The following POU5F1 variants were observed in gnomAD, a reference collection of about 807,000 sequenced individuals.
The protein encoded by POU5F1 is POU class 5 homeobox 1, also known as POU domain, class 5, transcription factor 1.
A neutral mutation model predicts 38.3 loss-of-function variants in POU5F1; 6 were observed. The ratio of observed to expected loss-of-function variants is 0.16; its 90% CI spans 0.09 to 0.31. The LOEUF (loss-of-function observed/expected upper bound fraction) is 0.31. Among genes scored for constraint, POU5F1 ranks in the 10% least tolerant of loss-of-function variants. The pLI is 1.00. For synonymous variants in POU5F1, 147 were observed against 194.9 expected (o/e 0.75, Z 2.05); for missense variants, 286 against 462.6 (o/e 0.62, Z 3.50).
chr6:31,167,536 T>C (rs374544416), intron 1 of POU5F1, among the ~76,000 whole-genome samples: 1 of 152,094 alleles, frequency 6.6e-6, no homozygotes, highest in African/African-American at 2.4e-5. Context: ...AGTGAGACTC[T>C]GTCTCTACTA....
intron 1 of POU5F1, 133 bp downstream of exon 1, chr6:31,170,083 T>G: frequency 6.9e-7 from 1 of 1,458,554 alleles, no homozygotes; most frequent in South Asian, 1.2e-5. Context: ...CACCCCTCCC[T>G]GGCCAGGGCA....
At chr6:31,166,978 C>T (rs1777316548) in intron 1 of POU5F1, 1 of 939,702 alleles carries the variant, frequency 1.1e-6, no homozygotes, top group Non-Finnish European at 1.5e-6. Flanking sequence ...CTCATCTTTA[C>T]TGTATCTTTT....
At position 31,170,065 on chromosome 6, in the gene POU5F1, T is replaced by A. The variant is rs2151114122; in HGVS notation, c.405+151A>T. 1.7e-5 allele frequency: 22 copies of A among 1,290,192 alleles called. No individual in the cohort carries two copies. In the South Asian group the frequency reaches 2.2e-4, roughly 13 times the overall value. 79.9% of individuals were successfully genotyped at this position (1,290,192 alleles called of 1,614,324 possible). ...CCCTGCCTGCCAGGGCTGCCAGCAG[T>A]TGATACACACCCCTCCCTGGCCAGG... On this transcript the variant is annotated intron_variant, in intron 1 of 4. Coordinates refer to ENST00000259915, the MANE Select transcript of POU5F1 (RefSeq NM_002701.6).
Position 31,166,805 on chromosome 6 carries a change from C to T in POU5F1, c.406-758G>A, listed in dbSNP as rs1282835556. 3.4e-6 allele frequency: 4 copies of T among 1,184,486 alleles called. No homozygotes were observed. The East Asian group carries it at 1.7e-4, about 50-fold the overall frequency. 73.4% of individuals were successfully genotyped at this position (1,184,486 alleles called of 1,614,324 possible). Reference sequence around the variant, plus strand: ...TAATTAAAAAGGAAGAGCATCATGTCTCAGAAGCTAAATTCAGTATATACT... The same window carrying T: ...TAATTAAAAAGGAAGAGCATCATGTTTCAGAAGCTAAATTCAGTATATACT... On this transcript the variant is annotated intron_variant, in intron 1 of 4. Transcript: ENST00000259915.
At position 31,170,601 on chromosome 6, in the gene POU5F1, G is replaced by A. The variant is rs1281520275; in HGVS notation, c.20C>T (p.Ser7Leu). Reference sequence around the variant, plus strand: ...TGGAGGGGGCGAGAAGGCGAAATCCGAAGCCAGGTGTCCCGCCATGGGGAA... The same window carrying A: ...TGGAGGGGGCGAGAAGGCGAAATCCAAAGCCAGGTGTCCCGCCATGGGGAA... MAGHLASDFAFSPPPGG... is the reference protein window; with the variant it reads MAGHLALDFAFSPPPGG... The change falls in exon 1 of 5, where the codon TCG (serine) becomes TTG (leucine). Residue 7 changes from serine to leucine, a missense_variant. Ser to Leu is a moderately radical substitution (Grantham distance 145). This residue lies in a region of POU5F1 where 176 missense variants were observed against 184.8 expected (regional missense o/e 0.95). Coordinates refer to ENST00000259915, the MANE Select transcript of POU5F1 (RefSeq NM_002701.6). The A allele has an allele frequency of 2.0e-5, 31 of 1,556,584 alleles. No homozygotes were observed. Among genetic ancestry groups the A allele is most frequent in the Non-Finnish European group, 2.2e-5 (25 of 1,151,164 alleles).
At chr6:31,166,936 G>T in intron 1 of POU5F1, 2 of 1,141,718 alleles carry the variant, frequency 1.8e-6, no homozygotes, top group Non-Finnish European at 2.3e-6. Context: ...AGTGCTTTGT[G>T]TGTACTTACT....
intron 1 of POU5F1, among the ~76,000 whole-genome samples, chr6:31,169,146 G>A (rs1157627861): frequency 6.6e-6 from 1 of 152,126 alleles, no homozygotes; most frequent in Non-Finnish European, 1.5e-5. Flanking sequence ...CGTTAAATAG[G>A]ATAATAATAC....
Position 31,165,063 on chromosome 6 carries a change from A to G in POU5F1, c.816+65T>C. On this transcript the variant is annotated intron_variant, in intron 4 of 4. Transcript: ENST00000259915. This position sits in a 1 kb window ranked among gnomAD's most constrained non-coding sequence, Gnocchi z 6.5. ...GCCCTAGAGCAGTTGGAGGAGCCAG[A>G]GCTAGGGAAAGCGAGGTGGTGACAG... 1.3e-6 allele frequency: 2 copies of G among 1,573,790 alleles called. No homozygotes were observed. Among genetic ancestry groups the G allele is most frequent in the Non-Finnish European group, 8.6e-7 (1 of 1,160,336 alleles).
chr6:31,166,944 A>ACTC (rs9281235), intron 1 of POU5F1: 820,459 of 1,108,648 alleles, frequency 0.74, 308,782 homozygotes, highest in African/African-American at 0.85. Flanking sequence ...GTGTGTACTT[A>ACTC]CTCATTTTTT....
At chr6:31,169,737 T>G (rs1457581951) in intron 1 of POU5F1, among the ~76,000 whole-genome samples, 2 of 152,136 alleles carry the variant, frequency 1.3e-5, no homozygotes, top group Non-Finnish European at 2.9e-5. Context: ...AATCCTGGAA[T>G]GAGCACTGTT....
intron 1 of POU5F1, among the ~76,000 whole-genome samples, chr6:31,168,828 G>A (rs1174736897): frequency 1.3e-5 from 2 of 152,174 alleles, no homozygotes. Context: ...GAGGAAGGAA[G>A]GGTAGATAGA....
Position 31,170,425 on chromosome 6 carries a change from G to T in POU5F1, c.196C>A (p.Pro66Thr). Residue 66 changes from proline (P) to threonine (T), a missense_variant, in exon 1 of 5, where the codon CCG becomes ACG. Around this residue, in one of 2 missense-constraint regions of POU5F1, gnomAD observed 176 missense variants for 184.8 expected, o/e 0.95. Transcript: ENST00000259915. ...EVWGIPPCPP[P>T]YEFCGGMAYC... is the part of the protein sequence containing the mutation. The stretch of plus-strand genomic sequence containing the variant: ...GCCATCCCCCCACAGAACTCATACG[G>T]CGGGGGGCATGGGGGAATCCCCCAC... 1 of 1,612,020 alleles carries T rather than the reference G, an allele frequency of 6.2e-7. No homozygotes were observed. The highest frequency in any genetic ancestry group is 8.5e-7 in the Non-Finnish European group (1 of 1,179,674).
At position 31,165,117 on chromosome 6, in the gene POU5F1, A is replaced by G. The variant is rs963281934; in HGVS notation, c.816+11T>C. The G allele has an allele frequency of 6.2e-7, 1 of 1,606,488 alleles. No individual in the cohort carries two copies. Among genetic ancestry groups the G allele is most frequent in the East Asian group, 2.2e-5 (1 of 44,484 alleles). ...AAAGAGATGGAGCCCGCAGAGAGAC[A>G]TGGCACTCACATCCTTCTCGAGCCC... On this transcript the variant is annotated intron_variant, in intron 4 of 4. Coordinates refer to ENST00000259915, the MANE Select transcript of POU5F1 (RefSeq NM_002701.6). This position sits in a 1 kb window ranked among gnomAD's most constrained non-coding sequence, Gnocchi z 6.5.
In POU5F1 at chr6:31,166,965, T is replaced by C. The variant is rs776087600; in HGVS notation, c.406-918A>G. ...ACTTACTCATTTTTTAAATTGATTA[T>C]CCCTCATCTTTACTGTATCTTTTTC... On this transcript the variant is annotated intron_variant, in intron 1 of 4. Coordinates refer to ENST00000259915, the MANE Select transcript of POU5F1 (RefSeq NM_002701.6). 12 of 982,642 alleles carry C rather than the reference T, an allele frequency of 1.2e-5. No individual in the cohort carries two copies. In the South Asian group the frequency reaches 1.7e-4, roughly 14 times the overall value. The allele number at this position is 982,642 out of a possible 1,614,324, so 60.9% of individuals were successfully genotyped here.
Position 31,164,419 on chromosome 6 carries a change from C to T in POU5F1, c.*182G>A. ...GATGTGGGATTAAAATCAAGAGCAT[C>T]ATTGAACTTCACCTTCCCTCCAACC... On this transcript the variant is annotated 3_prime_UTR_variant, in exon 5 of 5. Transcript: ENST00000259915. 3 of 1,093,870 alleles carry T rather than the reference C, an allele frequency of 2.7e-6. No homozygotes were observed. The highest frequency in any genetic ancestry group is 2.8e-5 in the Admixed American group (1 of 35,334). 67.8% of individuals were successfully genotyped at this position (1,093,870 alleles called of 1,614,324 possible).
Position 31,170,267 on chromosome 6 carries a change from G to C in POU5F1, c.354C>G (p.Thr118=), listed in dbSNP as rs772160653. 13 of 1,612,910 alleles carry C rather than the reference G, an allele frequency of 8.1e-6. No individual in the cohort carries two copies. Among genetic ancestry groups the C allele is most frequent in the Non-Finnish European group, 1.1e-5 (13 of 1,179,838 alleles). ...CCTTCTCCAGCTTCACGGCACCAGG[G>C]GTGACGGTGCAGGGCTCCGGGGAGG... The part of the protein sequence containing the change: ...DGASPEPCTV[T]PGAVKLEKEK... The change falls in exon 1 of 5, where the codon ACC becomes ACG. Residue 118 remains threonine (T), a synonymous_variant. Transcript: ENST00000259915.
intron 1 of POU5F1, among the ~76,000 whole-genome samples, chr6:31,167,391 A>G (rs1561859610): frequency 7.9e-6 from 1 of 126,930 alleles, no homozygotes; most frequent in African/African-American, 2.7e-5. Flanking sequence ...GCCTCTATTT[A>G]AAATATATAT....
In POU5F1 at chr6:31,170,405, C is replaced by G; in HGVS notation, c.216G>C (p.Gly72=). 1 of 1,612,590 alleles carries G rather than the reference C, an allele frequency of 6.2e-7. No individual in the cohort carries two copies. The highest frequency in any genetic ancestry group is 8.5e-7 in the Non-Finnish European group (1 of 1,179,824). Residue 72 remains glycine (G), a synonymous_variant, in exon 1 of 5, where the codon GGG becomes GGC. Transcript: ENST00000259915. ...PCPPPYEFCG[G]MAYCGPQVGV... ...CAACCTGGGGCCCACAGTACGCCAT[C>G]CCCCCACAGAACTCATACGGCGGGG...
chr6:31,170,389 G>A lies in POU5F1; in HGVS notation c.232C>T (p.Pro78Ser). Residue 78 changes from proline (P) to serine (S), a missense_variant, in exon 1 of 5, where the codon CCC (proline) becomes TCC (serine). Pro to Ser is a moderately conservative substitution (Grantham distance 74). This residue lies in a region of POU5F1 where 176 missense variants were observed against 184.8 expected (regional missense o/e 0.95). Coordinates refer to ENST00000259915, the MANE Select transcript of POU5F1 (RefSeq NM_002701.6). The part of the protein sequence containing the change: ...EFCGGMAYCG[P>S]QVGVGLVPQG... Reference sequence around the variant, plus strand: ...GGCACTAGCCCCACTCCAACCTGGGGCCCACAGTACGCCATCCCCCCACAG... The same window carrying A: ...GGCACTAGCCCCACTCCAACCTGGGACCCACAGTACGCCATCCCCCCACAG... 12 of 1,612,704 alleles carry A rather than the reference G, an allele frequency of 7.4e-6. No individual in the cohort carries two copies. Among genetic ancestry groups the A allele is most frequent in the Non-Finnish European group, 9.3e-6 (11 of 1,179,850 alleles).
Sources: allele counts gnomAD v4.1 joint callset (sites outside exome capture counted in the v4.1 genomes callset), GRCh38; gene constraint gnomAD v4.1.1; regional missense constraint gnomAD v4.1.1; non-coding constraint Gnocchi (gnomAD v3.1); transcripts MANE v1.5; gene names NCBI Gene and HGNC (gene_info 2026-07-23, HGNC 2026-07-21).